DFFA: variants seen among roughly 807,000 people sequenced by gnomAD.
DFFA encodes the protein DNA fragmentation factor subunit alpha.
DFFA carries 14 observed loss-of-function variants against 28.0 expected under a neutral mutation model. The observed-to-expected ratio is 0.50, with a 90% CI of 0.33 to 0.78. The LOEUF (loss-of-function observed/expected upper bound fraction) is 0.78. Ranked by LOEUF, DFFA falls within the 30% of genes least tolerant of loss-of-function variation. DFFA has a pLI of 0.02. For missense variants in DFFA, 395 were observed against 407.1 expected (o/e 0.97, Z 0.26); for synonymous variants, 158 against 170.3 (o/e 0.93, Z 0.56).
Position 10,461,530 on chromosome 1 carries a change from T to C in DFFA, c.956A>G (p.Asp319Gly), listed in dbSNP as rs1640938773. The change falls in exon 6 of 6, where the codon GAC becomes GGC. Residue 319 changes from aspartate (D) to glycine (G), a missense_variant. By Grantham distance (94) the Asp-to-Gly change is moderately conservative. Transcript: ENST00000377038. ...ISASKASPPG[D>G]LQNPKRARQD... ...TCTGGCTCGCTTAGGATTCTGCAGG[T>C]CACCAGGTGGTGAGGCCTTGCTTGC... The C allele has an allele frequency of 1.2e-6, 2 of 1,613,982 alleles. No individual in the cohort carries two copies. Among genetic ancestry groups the C allele is most frequent in the Non-Finnish European group, 1.7e-6 (2 of 1,180,002 alleles).
chr1:10,463,289 G>C (rs1044957823), intron 4 of DFFA, 80 bp from the exon 5 acceptor site: 33 of 1,572,072 alleles, frequency 2.1e-5, no homozygotes, highest in Non-Finnish European at 2.9e-5. Context: ...ATAACTGGCC[G>C]GGCAAGAGAG....
chr1:10,471,095 G>A (rs962723549), intron 1 of DFFA, among the ~76,000 whole-genome samples: 1 of 144,576 alleles, frequency 6.9e-6, no homozygotes, highest in East Asian at 2.1e-4. Context: ...AATGCTTTTT[G>A]TTCTTTACAG....
chr1:10,471,332 A>G (rs1176358148), intron 1 of DFFA, among the ~76,000 whole-genome samples: 1 of 152,170 alleles, frequency 6.6e-6, no homozygotes, highest in African/African-American at 2.4e-5. Context: ...CTACCACCCA[A>G]TAGAACAGCA....
rs1640945197 is a variant in DFFA at position 10,461,778 on chromosome 1, G to T, written c.784-76C>A. 3 of 1,577,300 alleles carry T rather than the reference G, an allele frequency of 1.9e-6. No individual in the cohort carries two copies. The African/African-American group carries it at 4.1e-5, about 21-fold the overall frequency. On this transcript the variant is annotated intron_variant, in intron 5 of 5. Transcript: ENST00000377038. ...CTGCTGCTCTCCTGACTCTCTTTTG[G>T]GGAGTGCAATGAGGCAGTATCCGTT...
chr1:10,467,368 C>T (rs1281793754), intron 2 of DFFA, 36 bp from the exon 3 acceptor site: 1 of 1,613,556 alleles, frequency 6.2e-7, no homozygotes, highest in Non-Finnish European at 8.5e-7. Context: ...CACAGAACAA[C>T]CTGAAGTGCT....
Position 10,461,146 on chromosome 1 carries a change from A to C in DFFA, c.*344T>G. 1 of 196,312 alleles carries C rather than the reference A, an allele frequency of 5.1e-6. No individual in the cohort carries two copies. The allele number at this position is 196,312 out of a possible 1,614,324, so 12.2% of individuals were successfully genotyped here. ...AGGATGGTCTCGATCTCCTGACTTCACGATCCGCCCCCCTCGGCCTCCCAG... is the reference window on the plus strand; with the variant it reads ...AGGATGGTCTCGATCTCCTGACTTCCCGATCCGCCCCCCTCGGCCTCCCAG... On this transcript the variant is annotated 3_prime_UTR_variant, in exon 6 of 6. Transcript: ENST00000377038.
intron 3 of DFFA, among the ~76,000 whole-genome samples, chr1:10,464,474 G>A (rs1640996080): frequency 6.6e-6 from 1 of 152,168 alleles, no homozygotes; most frequent in South Asian, 2.1e-4. Flanking sequence ...CAGCACTCTG[G>A]GAGGCTGAGG....
chr1:10,461,572 G>C lies in DFFA; in HGVS notation c.914C>G (p.Ser305Cys). The C allele has an allele frequency of 6.2e-7, 1 of 1,614,208 alleles. No homozygotes were observed. The highest frequency in any genetic ancestry group is 8.5e-7 in the Non-Finnish European group (1 of 1,180,044). The change falls in exon 6 of 6, where the codon TCT becomes TGT. Residue 305 changes from serine (S) to cysteine (C), a missense_variant. Coordinates refer to ENST00000377038, the MANE Select transcript of DFFA (RefSeq NM_004401.3). ...CTTGCTTGCTGAGATGCTCCGGAGAGAATGCAAGCTCTGCGTCTGCTGCAG... is the reference window on the plus strand; with the variant it reads ...CTTGCTTGCTGAGATGCTCCGGAGACAATGCAAGCTCTGCGTCTGCTGCAG... ...LRLQQTQSLHSLRSISASKAS... is the reference protein window; with the variant it reads ...LRLQQTQSLHCLRSISASKAS...
chr1:10,468,388 G>T (rs184079351), intron 2 of DFFA, among the ~76,000 whole-genome samples: 1 of 150,756 alleles, frequency 6.6e-6, no homozygotes, highest in African/African-American at 2.4e-5. Context: ...TCACAGTTGT[G>T]GGGGGAGGTT....
chr1:10,472,177 A>C lies in DFFA; in HGVS notation c.136+146T>G. 1 of 954,944 alleles carries C rather than the reference A, an allele frequency of 1.0e-6. No individual in the cohort carries two copies. 59.2% of individuals were successfully genotyped at this position (954,944 alleles called of 1,614,324 possible). ...AAGCGCCTTAAATCTGTAAATCGCT[A>C]TGCCCACTCGGACCGTTTCTGTCCC... On this transcript the variant is annotated intron_variant, in intron 1 of 5. Transcript: ENST00000377038. This position sits in a 1 kb window ranked among gnomAD's most constrained non-coding sequence, Gnocchi z 5.0.
chr1:10,467,670 C>T (rs1641041945), intron 2 of DFFA, among the ~76,000 whole-genome samples: 2 of 152,140 alleles, frequency 1.3e-5, no homozygotes, highest in Non-Finnish European at 2.9e-5. Context: ...ACCACCATGA[C>T]CAGCTAATTT....
chr1:10,469,941 G>A (rs576883073), intron 1 of DFFA, among the ~76,000 whole-genome samples: 7 of 150,686 alleles, frequency 4.6e-5, no homozygotes, highest in African/African-American at 1.7e-4. Flanking sequence ...TTAGTCTCCC[G>A]AGTAGCTGGG....
intron 3 of DFFA, among the ~76,000 whole-genome samples, chr1:10,464,234 A>G (rs1255460334): frequency 6.6e-6 from 1 of 151,820 alleles, no homozygotes; most frequent in Non-Finnish European, 1.5e-5. Context: ...CTGGTACTAC[A>G]GGTGCCTGCC....
chr1:10,469,741 G>A (rs774916282), intron 1 of DFFA, among the ~76,000 whole-genome samples: 3 of 152,040 alleles, frequency 2.0e-5, no homozygotes, highest in Non-Finnish European at 2.9e-5. Context: ...GGCTGGTCTC[G>A]AACTCCTGAC....
At chr1:10,462,476 G>A in intron 5 of DFFA, 2 of 988,012 alleles carry the variant, frequency 2.0e-6, no homozygotes, top group Non-Finnish European at 2.4e-6. Context: ...AGAAGTCCTT[G>A]GAAAGTTTAC....
At position 10,462,060 on chromosome 1, in the gene DFFA, G is replaced by A. The variant is rs575897900; in HGVS notation, c.784-358C>T. Among the ~76,000 whole-genome samples, 275 of 152,200 alleles carry A rather than the reference G, an allele frequency of 1.8e-3. 1 individual carries two copies. The highest frequency in any genetic ancestry group is 4.9e-3 in the African/African-American group (203 of 41,546). ...TTTTTAGTAGAGACGGGGTTTCACC[G>A]TGTTCGCCAGGATGGTCTCGATCTC... On this transcript the variant is annotated intron_variant, in intron 5 of 5. Transcript: ENST00000377038.
In DFFA at chr1:10,463,614, C is replaced by G. The variant is rs950687981; in HGVS notation, c.448G>C (p.Val150Leu). Residue 150 changes from valine to leucine, a missense_variant, in exon 4 of 6, where the codon GTT becomes CTT. Physicochemically the swap from Val to Leu is conservative, Grantham distance 32. Coordinates refer to ENST00000377038, the MANE Select transcript of DFFA (RefSeq NM_004401.3). ...LLSEEDLQML[V>L]DAPCSDLAQE... ...GCCAGGTCTGAGCAGGGAGCGTCAACAAGCATCTAACAAACAAACACAGAC... is the reference window on the plus strand; with the variant it reads ...GCCAGGTCTGAGCAGGGAGCGTCAAGAAGCATCTAACAAACAAACACAGAC... The G allele has an allele frequency of 6.2e-7, 1 of 1,609,660 alleles. No individual in the cohort carries two copies. The highest frequency in any genetic ancestry group is 8.5e-7 in the Non-Finnish European group (1 of 1,178,880).
rs1347390796 is a variant in DFFA at position 10,463,714 on chromosome 1, G to T, written c.442-94C>A. 8 of 1,304,012 alleles carry T rather than the reference G, an allele frequency of 6.1e-6. No homozygotes were observed. The African/African-American group carries it at 1.0e-4, about 17-fold the overall frequency. 80.8% of individuals were successfully genotyped at this position (1,304,012 alleles called of 1,614,324 possible). A position where few individuals can be genotyped will look rare whatever the true frequency, so the allele number is the denominator to read the frequency against. On this transcript the variant is annotated intron_variant, in intron 3 of 5. Coordinates refer to ENST00000377038, the MANE Select transcript of DFFA (RefSeq NM_004401.3). ...GGAGTCTGCTCTGTTGCCCAGGCTG[G>T]AGTGCGATGGTGTGATCTCGGCTCA... is the stretch of plus-strand genomic sequence containing the variant.
chr1:10,466,914 CT>C (rs1203634554), intron 3 of DFFA, among the ~76,000 whole-genome samples: 1 of 135,970 alleles, frequency 7.4e-6, no homozygotes, highest in East Asian at 2.1e-4. Context: ...GATTGCACCA[CT>C]GCACTCCAGC....
Sources: gnomAD v4.1 joint callset for allele counts (sites outside exome capture counted in the v4.1 genomes callset) on GRCh38, gnomAD v4.1.1 for gene constraint, Gnocchi (gnomAD v3.1) non-coding constraint, MANE v1.5 for transcripts, NCBI Gene and HGNC (gene_info 2026-07-23, HGNC 2026-07-21) for gene names.